The following DDAH1 variants were observed in gnomAD, a reference collection of about 807,000 sequenced individuals.
DDAH1 encodes the protein dimethylarginine dimethylaminohydrolase 1.
A neutral mutation model predicts 28.8 loss-of-function variants in DDAH1; 19 were observed. That is an observed-to-expected ratio of 0.66 (90% CI 0.46 to 0.97). The LOEUF (loss-of-function observed/expected upper bound fraction) is 0.97, where lower values mean the gene tolerates loss of function less well. Among genes scored for constraint, DDAH1 ranks in the 50% least tolerant of loss-of-function variants. The pLI is 0.00. For synonymous variants in DDAH1, 153 were observed against 154.4 expected (o/e 0.99, Z 0.07); for missense variants, 326 against 375.9 (o/e 0.87, Z 1.10).
rs147097334 is a variant in DDAH1, at chr1:85,476,869, A to G, written c.-7+19297T>C. On this transcript the variant is annotated intron_variant, in intron 2 of 6. Coordinates refer to the DDAH1 transcript ENST00000426972. ...TGAAGTTTTGCTAACTTTTTTCTGA[A>G]TTAAAAACAGGGTCCATAATACACA... Among the ~76,000 whole-genome samples, 281 of 152,278 alleles carry G rather than the reference A, an allele frequency of 1.8e-3. 5 individuals are homozygous for G. The South Asian group carries it at 0.022, about 12-fold the overall frequency.
chr1:85,374,222 G>T (rs968398452), intron 1 of DDAH1, among the ~76,000 whole-genome samples: 1 of 152,126 alleles, frequency 6.6e-6, no homozygotes, highest in Non-Finnish European at 1.5e-5. Context: ...CACTGTTGGA[G>T]TCCCCATACT....
At chr1:85,560,568 T>A (rs1383327931) in intron 1 of DDAH1, among the ~76,000 whole-genome samples, 2 of 152,196 alleles carry the variant, frequency 1.3e-5, no homozygotes, top group East Asian at 3.9e-4. Flanking sequence ...GTTCTTACAT[T>A]ATATATGAAG....
intron 1 of DDAH1, among the ~76,000 whole-genome samples, chr1:85,402,381 G>C (rs1158116533): frequency 6.6e-6 from 1 of 151,976 alleles, no homozygotes; most frequent in African/African-American, 2.4e-5. Context: ...TTTTCTTCAA[G>C]CAGAGTCTTT....
chr1:85,502,191 C>A (rs560029172), intron 1 of DDAH1, among the ~76,000 whole-genome samples: 3 of 152,170 alleles, frequency 2.0e-5, no homozygotes, highest in Non-Finnish European at 4.4e-5. Context: ...TTTGAAGACA[C>A]GGACAATGTC....
At chr1:85,426,746 AG>A (rs1653410939) in intron 1 of DDAH1, among the ~76,000 whole-genome samples, 1 of 151,902 alleles carries the variant, frequency 6.6e-6, no homozygotes, top group African/African-American at 2.4e-5. Flanking sequence ...CCATCTCTAC[AG>A]AAAGTTTTAA....
At chr1:85,465,960 A>C (rs1655364178), upstream of DDAH1, among the ~76,000 whole-genome samples, 1 of 152,256 alleles carries the variant, frequency 6.6e-6, no homozygotes, top group African/African-American at 2.4e-5. Flanking sequence ...AGACTACAGC[A>C]GCACCCTTGT....
chr1:85,329,335 A>G (rs1304526018), intron 4 of DDAH1, among the ~76,000 whole-genome samples: 1 of 151,678 alleles, frequency 6.6e-6, no homozygotes, highest in Non-Finnish European at 1.5e-5. Context: ...CCCCAACCTC[A>G]CCTCCTTGAG....
chr1:85,552,303 C>T (rs1039837014), intron 1 of DDAH1, among the ~76,000 whole-genome samples: 1 of 152,192 alleles, frequency 6.6e-6, no homozygotes, highest in Non-Finnish European at 1.5e-5. Context: ...TTCCACACTG[C>T]TATCAGAGTT....
chr1:85,468,129 A>G (rs1205673385), upstream of DDAH1, among the ~76,000 whole-genome samples: 3 of 152,250 alleles, frequency 2.0e-5, no homozygotes, highest in Non-Finnish European at 4.4e-5. Context: ...TTACATATCT[A>G]TAGCTGCTGT....
At chr1:85,509,335 T>C (rs1374467961) in intron 1 of DDAH1, among the ~76,000 whole-genome samples, 2 of 152,176 alleles carry the variant, frequency 1.3e-5, no homozygotes, top group African/African-American at 4.8e-5. Flanking sequence ...AAACCCCATC[T>C]GTAGGTCACC....
chr1:85,418,851 A>C (rs1653001909), intron 1 of DDAH1, among the ~76,000 whole-genome samples: 1 of 152,188 alleles, frequency 6.6e-6, no homozygotes, highest in Non-Finnish European at 1.5e-5. Context: ...TGGTGGATAA[A>C]GGAGTGGAGT....
intron 1 of DDAH1, among the ~76,000 whole-genome samples, chr1:85,565,414 G>A (rs572735396): frequency 6.6e-6 from 1 of 152,232 alleles, no homozygotes; most frequent in African/African-American, 2.4e-5. Flanking sequence ...AAAGTCTGTA[G>A]TCTAGTTATT....
intron 1 of DDAH1, among the ~76,000 whole-genome samples, chr1:85,359,595 T>C (rs1649677692): frequency 2.0e-5 from 3 of 152,186 alleles, no homozygotes; most frequent in Admixed American, 2.0e-4. Flanking sequence ...CATAGGACAA[T>C]CACTGTTTTC....
At chr1:85,400,177 C>CTTTTTTTTCTTTTTTTTTTTT (rs1652003635) in intron 1 of DDAH1, among the ~76,000 whole-genome samples, 1 of 54,956 alleles carries the variant, frequency 1.8e-5, no homozygotes, top group Non-Finnish European at 4.0e-5. Context: ...CTTTTCTTTT[C>CTTTTTTTTCTTTTTTTTTTTT]TTTTTTTTTT....
At chr1:85,455,441 C>CT (rs907989887) in intron 1 of DDAH1, among the ~76,000 whole-genome samples, 78 of 151,124 alleles carry the variant, frequency 5.2e-4, no homozygotes, top group South Asian at 3.3e-3. Context: ...GTATCTTTTT[C>CT]TTTTTTTTTG....
At chr1:85,396,312 A>G (rs752647149) in intron 1 of DDAH1, among the ~76,000 whole-genome samples, 6 of 152,202 alleles carry the variant, frequency 3.9e-5, no homozygotes, top group Non-Finnish European at 8.8e-5. Context: ...AAGACTGGGC[A>G]TCTGACAAAA....
intron 2 of DDAH1, among the ~76,000 whole-genome samples, chr1:85,483,487 C>T (rs1266027564): frequency 6.6e-6 from 1 of 152,172 alleles, no homozygotes; most frequent in Non-Finnish European, 1.5e-5. Flanking sequence ...GTACAGTTAA[C>T]AATTTCTTAC....
At chr1:85,557,342 G>T (rs1659001534) in intron 1 of DDAH1, among the ~76,000 whole-genome samples, 1 of 152,174 alleles carries the variant, frequency 6.6e-6, no homozygotes, top group Non-Finnish European at 1.5e-5. Context: ...TATGTGACAT[G>T]CACTATTCTG....
chr1:85,454,891 C>G (rs1654817885), intron 1 of DDAH1, among the ~76,000 whole-genome samples: 1 of 151,988 alleles, frequency 6.6e-6, no homozygotes, highest in South Asian at 2.1e-4. Flanking sequence ...ATTAGGGAGG[C>G]CGAAGCCTTA....
Sources: allele counts gnomAD v4.1 joint callset (sites outside exome capture counted in the v4.1 genomes callset), GRCh38; gene constraint gnomAD v4.1.1; transcripts MANE v1.5; gene names NCBI Gene and HGNC (gene_info 2026-07-23, HGNC 2026-07-21).